AK4: variants seen among roughly 807,000 people sequenced by gnomAD.
The protein encoded by AK4 is adenylate kinase 4.
AK4 carries 13 observed loss-of-function variants against 24.6 expected under a neutral mutation model. The observed-to-expected ratio is 0.53, with a 90% CI of 0.34 to 0.84. AK4 has a LOEUF of 0.84. Among genes scored for constraint, AK4 ranks in the 40% least tolerant of loss-of-function variants. The pLI is 0.01. For missense variants in AK4, 192 were observed against 288.2 expected (o/e 0.67, Z 2.42); for synonymous variants, 88 against 107.0 (o/e 0.82, Z 1.10).
At chr1:65,165,409 G>T (rs534918409) in intron 1 of AK4, among the ~76,000 whole-genome samples, 121 of 152,120 alleles carry the variant, frequency 8.0e-4, no homozygotes, top group Non-Finnish European at 1.2e-3. Flanking sequence ...GAGGTGAGAT[G>T]ACACACACCA....
At chr1:65,156,714 G>A (rs1392107015) in intron 1 of AK4, among the ~76,000 whole-genome samples, 1 of 151,788 alleles carries the variant, frequency 6.6e-6, no homozygotes, top group African/African-American at 2.4e-5. Context: ...ATGAGGTCAG[G>A]AGTTTGAGAC....
At chr1:65,182,548 AG>A (rs972961472) in intron 1 of AK4, among the ~76,000 whole-genome samples, 8 of 152,126 alleles carry the variant, frequency 5.3e-5, no homozygotes, top group African/African-American at 1.9e-4. Context: ...AAAAAAAAAA[AG>A]ACCTCATTTG....
intron 1 of AK4, among the ~76,000 whole-genome samples, chr1:65,180,632 G>C (rs1251581392): frequency 6.6e-6 from 1 of 152,064 alleles, no homozygotes; most frequent in Admixed American, 6.6e-5. Context: ...GTGATATTAG[G>C]GATAACTTAT....
intron 2 of AK4, among the ~76,000 whole-genome samples, chr1:65,214,106 GTTGTTTGT>G (rs368268073): frequency 2.6e-5 from 4 of 151,852 alleles, no homozygotes; most frequent in African/African-American, 7.3e-5. Context: ...TGTTGTTGTT[GTTGTTTGT>G]TTGTTTGTTT....
At chr1:65,173,921 G>A (rs751939280) in intron 1 of AK4, among the ~76,000 whole-genome samples, 14 of 151,980 alleles carry the variant, frequency 9.2e-5, no homozygotes, top group Non-Finnish European at 1.8e-4. Flanking sequence ...GGGGTGATGG[G>A]GATTAGAGTC....
chr1:65,176,811 G>T (rs1008412119), intron 1 of AK4, among the ~76,000 whole-genome samples: 1 of 152,200 alleles, frequency 6.6e-6, no homozygotes, highest in Non-Finnish European at 1.5e-5. Context: ...TGGGACTCCT[G>T]ATTCCCAGCC....
intron 1 of AK4, among the ~76,000 whole-genome samples, chr1:65,177,475 G>A (rs1184928123): frequency 2.0e-5 from 3 of 152,188 alleles, no homozygotes; most frequent in South Asian, 4.1e-4. Flanking sequence ...GGCACAAAGA[G>A]AAGCAGTTGA....
At chr1:65,197,937 CT>C (rs1474894931) in intron 2 of AK4, among the ~76,000 whole-genome samples, 1 of 151,904 alleles carries the variant, frequency 6.6e-6, no homozygotes, top group Non-Finnish European at 1.5e-5. Flanking sequence ...AATTTTTTTT[CT>C]TCTGTTGCCC....
chr1:65,218,632 A>T, intron 2 of AK4, 122 bp from the exon 3 acceptor site: 1 of 903,494 alleles, frequency 1.1e-6, no homozygotes. Flanking sequence ...CATCACCCAG[A>T]TAGTGTAAAG....
At chr1:65,210,347 C>G (rs887042113) in intron 2 of AK4, among the ~76,000 whole-genome samples, 2 of 152,138 alleles carry the variant, frequency 1.3e-5, no homozygotes, top group Non-Finnish European at 2.9e-5. Context: ...CCTTTCATTT[C>G]TGAGAGGAAG....
rs199575222 is a variant in AK4 at position 65,190,793 on chromosome 1, T to C, written c.229T>C (p.Leu77=). Residue 77 remains leucine, a synonymous_variant, in exon 2 of 5, where the codon TTG becomes CTG. Coordinates refer to ENST00000327299, the MANE Select transcript of AK4 (RefSeq NM_013410.4). ...HVITRLMMSE[L]ENRRGQHWLL... is the part of the protein sequence containing the mutation. ...GATCACACGCCTAATGATGTCCGAG[T>C]TGGAGAACAGGCGTGGCCAGCACTG... 27 of 1,614,146 alleles carry C rather than the reference T, an allele frequency of 1.7e-5. No individual in the cohort carries two copies. In the African/African-American group the frequency reaches 2.8e-4, roughly 17 times the overall value.
intron 1 of AK4, among the ~76,000 whole-genome samples, chr1:65,187,759 G>T (rs1193776590): frequency 1.3e-5 from 2 of 152,126 alleles, no homozygotes; most frequent in Non-Finnish European, 2.9e-5. Flanking sequence ...GAAGTAATAC[G>T]GTTTAAATAT....
chr1:65,217,781 G>A (rs2101083039), intron 2 of AK4, among the ~76,000 whole-genome samples: 1 of 152,312 alleles, frequency 6.6e-6, no homozygotes, highest in Middle Eastern at 3.4e-3. Flanking sequence ...ATTTAGAAAA[G>A]TAGGAAGAAT....
In AK4 at chr1:65,224,744, A is replaced by G. The variant is rs761596339; in HGVS notation, c.439-8A>G. On this transcript the variant is annotated splice_polypyrimidine_tract_variant and splice_region_variant and intron_variant, in intron 3 of 4. Transcript: ENST00000327299. ...GTCTATATTAATTGGTTTATTTGGT[A>G]TTTGTAGGGTATTGATGACGTCACT... 1 of 1,608,574 alleles carries G rather than the reference A, an allele frequency of 6.2e-7. No individual in the cohort carries two copies. The highest frequency in any genetic ancestry group is 1.1e-5 in the South Asian group (1 of 90,848).
intron 1 of AK4, among the ~76,000 whole-genome samples, chr1:65,186,174 C>T (rs144071353): frequency 2.0e-5 from 3 of 152,188 alleles, no homozygotes; most frequent in South Asian, 2.1e-4. Context: ...CTCGCTCTGT[C>T]GCCCAGGCTG....
At chr1:65,200,207 G>C (rs575334475) in intron 2 of AK4, among the ~76,000 whole-genome samples, 1 of 151,988 alleles carries the variant, frequency 6.6e-6, no homozygotes, top group Non-Finnish European at 1.5e-5. Context: ...TCTGCGTCAC[G>C]GGCTCCGGTG....
chr1:65,152,436 T>A (rs1649829182), intron 1 of AK4, among the ~76,000 whole-genome samples: 1 of 118,290 alleles, frequency 8.5e-6, no homozygotes, highest in Admixed American at 1.0e-4. Context: ...GGAGTCTCAC[T>A]CTGTCACCCA....
At position 65,179,450 on chromosome 1, in the gene AK4, C is replaced by G. The variant is rs574862229; in HGVS notation, c.146-11260C>G. Among the ~76,000 whole-genome samples, 6 of 152,242 alleles carry G rather than the reference C, an allele frequency of 3.9e-5. No individual in the cohort carries two copies. In the East Asian group the frequency reaches 1.2e-3, roughly 29 times the overall value. ...TTACTTTGGGCAAGTTACTTAATCT[C>G]TCTGTGTTTCAATTTCCTTATCTAA... On this transcript the variant is annotated intron_variant, in intron 1 of 4. Coordinates refer to ENST00000327299, the MANE Select transcript of AK4 (RefSeq NM_013410.4).
chr1:65,228,942 G>T lies in AK4; in HGVS notation c.*2765G>T, dbSNP rs1410433273. 1 of 152,094 alleles carries T rather than the reference G, an allele frequency of 6.6e-6. No homozygotes were observed. The highest frequency in any genetic ancestry group is 1.5e-5 in the Non-Finnish European group (1 of 68,016). 9.4% of individuals were successfully genotyped at this position (152,094 alleles called of 1,614,324 possible). ...CCAACACTAACGCAGACTTAAGATA[G>T]GTACTGTTTATTGAAAACCTACTGA... On this transcript the variant is annotated 3_prime_UTR_variant, in exon 5 of 5. Coordinates refer to ENST00000327299, the MANE Select transcript of AK4 (RefSeq NM_013410.4).
Sources: gnomAD v4.1 joint callset for allele counts (sites outside exome capture counted in the v4.1 genomes callset) on GRCh38, gnomAD v4.1.1 for gene constraint, MANE v1.5 for transcripts, NCBI Gene and HGNC (gene_info 2026-07-23, HGNC 2026-07-21) for gene names.